Variants in BAZ2B observed in about 807,000 individuals in gnomAD.
The protein encoded by BAZ2B is bromodomain adjacent to zinc finger domain 2B.
BAZ2B carries 91 observed loss-of-function variants against 246.0 expected under a neutral mutation model. The observed-to-expected ratio is 0.37, with a 90% CI of 0.31 to 0.44. BAZ2B has a LOEUF of 0.44. Among genes scored for constraint, BAZ2B ranks in the 20% least tolerant of loss-of-function variants. The probability of loss-of-function intolerance (pLI) is 1.00; values close to 1 mark genes in which losing one functional copy is unlikely to be tolerated. For missense variants in BAZ2B, 2,332 were observed against 2,533.7 expected, an observed-to-expected ratio of 0.92 and a Z score of 1.71; for synonymous variants, 855 against 860.0, an observed-to-expected ratio of 0.99 and a Z score of 0.10.
chr2:159,698,576 C>T, the BAZ2B span, among the ~76,000 whole-genome samples: 2 of 149,716 alleles, frequency 1.3e-5, no homozygotes, highest in East Asian at 1.9e-4. Context: ...CTAGTAAGTA[C>T]TATATATTAT....
chr2:159,337,228 A>G, intron 32 of BAZ2B, 151 bp from the exon 33 acceptor site: 2 of 1,102,446 alleles, frequency 1.8e-6, no homozygotes, highest in East Asian at 4.9e-5. Context: ...GATGTAGTGC[A>G]CAGACTGTGG....
intron 13 of BAZ2B, among the ~76,000 whole-genome samples, chr2:159,414,685 C>A (rs554613058): frequency 4.8e-4 from 73 of 151,768 alleles, no homozygotes; most frequent in East Asian, 5.9e-4. Context: ...GGCACGGTGG[C>A]GGGTGCCTGT....
At position 159,386,338 on chromosome 2, in the gene BAZ2B, T is replaced by C. The variant is rs1271003005; in HGVS notation, c.3471+15A>G. ...AGTACAAATTTAAAACATTTTATAT[T>C]TTGTTTTTTTTTACCTTGTATCCTG... On this transcript the variant is annotated intron_variant, in intron 22 of 36. Coordinates refer to ENST00000392783, the MANE Select transcript of BAZ2B (RefSeq NM_013450.4). 1 of 1,596,034 alleles carries C rather than the reference T, an allele frequency of 6.3e-7. No homozygotes were observed. Among genetic ancestry groups the C allele is most frequent in the Admixed American group, 1.8e-5 (1 of 56,616 alleles).
At chr2:159,401,436 A>G (rs1335007134) in intron 16 of BAZ2B, among the ~76,000 whole-genome samples, 1 of 152,214 alleles carries the variant, frequency 6.6e-6, no homozygotes, top group African/African-American at 2.4e-5. Context: ...ATTTGTCACA[A>G]TTAAATAAAA....
At chr2:159,498,851 T>C (rs979021194) in intron 2 of BAZ2B, among the ~76,000 whole-genome samples, 2 of 152,206 alleles carry the variant, frequency 1.3e-5, no homozygotes, top group Non-Finnish European at 2.9e-5. Context: ...CTTACTGTAT[T>C]GGCAATACCC....
At chr2:159,606,764 T>C (rs1393781683) in intron 1 of BAZ2B, among the ~76,000 whole-genome samples, 1 of 152,146 alleles carries the variant, frequency 6.6e-6, no homozygotes, top group Admixed American at 6.5e-5. Context: ...ATAAATTTCA[T>C]TATTATTATG....
intron 27 of BAZ2B, among the ~76,000 whole-genome samples, chr2:159,358,455 T>G (rs1041044984): frequency 4.6e-5 from 7 of 152,140 alleles, no homozygotes; most frequent in African/African-American, 1.7e-4. Context: ...GAACCCAGAT[T>G]CATAAAGCAA....
chr2:159,322,845 C>T (rs2062880643), intron 36 of BAZ2B, among the ~76,000 whole-genome samples: 1 of 152,080 alleles, frequency 6.6e-6, no homozygotes, highest in African/African-American at 2.4e-5. Flanking sequence ...GTGGAGAGTT[C>T]GAGGAGCTTG....
the BAZ2B span, among the ~76,000 whole-genome samples, chr2:159,636,217 G>A: frequency 3.1e-4 from 47 of 152,316 alleles, no homozygotes; most frequent in African/African-American, 1.1e-3. Flanking sequence ...AAAGTAAGGT[G>A]AGCAATCACA....
chr2:159,475,677 C>T (rs1223646016), intron 3 of BAZ2B, among the ~76,000 whole-genome samples: 2 of 152,148 alleles, frequency 1.3e-5, no homozygotes, highest in Non-Finnish European at 2.9e-5. Context: ...GGTTTTTCCT[C>T]ATCTTTGTGG....
At chr2:159,436,214 A>G (rs1419562098) in intron 8 of BAZ2B, among the ~76,000 whole-genome samples, 2 of 152,190 alleles carry the variant, frequency 1.3e-5, no homozygotes, top group African/African-American at 2.4e-5. Flanking sequence ...CATGAAAACA[A>G]AAGTCCCTTT....
chr2:159,529,227 T>C (rs1466729844), intron 2 of BAZ2B, among the ~76,000 whole-genome samples: 7 of 152,016 alleles, frequency 4.6e-5, no homozygotes, highest in African/African-American at 1.7e-4. Context: ...AAATACTCCA[T>C]ACAACCAATG....
Position 159,537,640 on chromosome 2 carries a change from A to C in BAZ2B, c.-3+18183T>G, listed in dbSNP as rs2086173647. Among the ~76,000 whole-genome samples, 5 of 152,222 alleles carry C rather than the reference A, an allele frequency of 3.3e-5. No homozygotes were observed. The South Asian group carries it at 1.0e-3, about 32-fold the overall frequency. Reference sequence around the variant, plus strand: ...TAATTGCTGAGCCTTTCGGAGTTTCAAATGTGTAAACTGTTTTTTCTAGGC... The same window carrying C: ...TAATTGCTGAGCCTTTCGGAGTTTCCAATGTGTAAACTGTTTTTTCTAGGC... On this transcript the variant is annotated intron_variant, in intron 2 of 36. Transcript: ENST00000392783.
At chr2:159,662,762 C>T in the BAZ2B span, among the ~76,000 whole-genome samples, 3 of 151,788 alleles carry the variant, frequency 2.0e-5, no homozygotes, top group African/African-American at 7.3e-5. Flanking sequence ...GAACTCCTGA[C>T]CTCAAATGAT....
intron 27 of BAZ2B, among the ~76,000 whole-genome samples, chr2:159,369,620 A>T (rs2060600328): frequency 6.6e-6 from 1 of 152,236 alleles, no homozygotes; most frequent in Non-Finnish European, 1.5e-5. Flanking sequence ...TCAAGTTTAC[A>T]TGCCCAAGTG....
At chr2:159,656,045 T>C in the BAZ2B span, among the ~76,000 whole-genome samples, 1 of 152,184 alleles carries the variant, frequency 6.6e-6, no homozygotes, top group African/African-American at 2.4e-5. Context: ...TTAGAGAGCA[T>C]GTAGCAACTC....
chr2:159,595,607 T>G (rs756408230), intron 1 of BAZ2B, among the ~76,000 whole-genome samples: 1 of 152,246 alleles, frequency 6.6e-6, no homozygotes, highest in Non-Finnish European at 1.5e-5. Context: ...AAACAGAAAT[T>G]AGTCACTTCG....
chr2:159,511,646 A>G (rs948995805), intron 2 of BAZ2B, among the ~76,000 whole-genome samples: 1 of 152,202 alleles, frequency 6.6e-6, no homozygotes, highest in African/African-American at 2.4e-5. Context: ...TGAATCAAAG[A>G]CATTGTCCAA....
At chr2:159,478,825 C>T in intron 2 of BAZ2B, 104 bp from the exon 3 acceptor site, 1 of 831,594 alleles carries the variant, frequency 1.2e-6, no homozygotes, top group Non-Finnish European at 1.7e-6. Context: ...AAATAAATTT[C>T]TAAATACATG....
Sources: allele counts gnomAD v4.1 joint callset (sites outside exome capture counted in the v4.1 genomes callset), GRCh38; gene constraint gnomAD v4.1.1; transcripts MANE v1.5; gene names NCBI Gene and HGNC (gene_info 2026-07-23, HGNC 2026-07-21).